Variants in EFHC2 observed in about 807,000 individuals in gnomAD.
The protein encoded by EFHC2 is EF-hand domain containing 2, also known as EF-hand domain-containing family member C2.
EFHC2 carries 18 observed loss-of-function variants against 52.7 expected under a neutral mutation model. That is an observed-to-expected ratio of 0.34 (90% CI 0.24 to 0.51). The LOEUF (loss-of-function observed/expected upper bound fraction) is 0.51, where lower values mean the gene tolerates loss of function less well. Ranked by LOEUF, EFHC2 falls within the 20% of genes least tolerant of loss-of-function variation. The pLI is 0.97. For synonymous variants in EFHC2, 203 were observed against 204.1 expected, an observed-to-expected ratio of 0.99 and a Z score of 0.04; for missense variants, 513 against 562.5, an observed-to-expected ratio of 0.91 and a Z score of 0.89.
chrX:44,336,870 A>G (rs959188574), intron 1 of EFHC2, among the ~76,000 whole-genome samples: 21 of 112,235 alleles, frequency 1.9e-4, no homozygotes, highest in African/African-American at 6.8e-4. Flanking sequence ...ATACAGGTCT[A>G]TAAAGAAATC....
chrX:44,149,759 A>C (rs7059824), intron 14 of EFHC2, among the ~76,000 whole-genome samples: 41,320 of 110,849 alleles, frequency 0.37, 5,726 homozygotes, highest in African/African-American at 0.46. Context: ...TTCAAGTTAT[A>C]TGTCCACCTC....
At chrX:44,272,075 T>C (rs900321464) in intron 3 of EFHC2, among the ~76,000 whole-genome samples, 1 of 112,061 alleles carries the variant, frequency 8.9e-6, no homozygotes, top group Non-Finnish European at 1.9e-5. Context: ...CATTGATCTC[T>C]GCCATACTTA....
At chrX:44,228,436 C>T (rs1023297977) in intron 11 of EFHC2, among the ~76,000 whole-genome samples, 9 of 112,182 alleles carry the variant, frequency 8.0e-5, no homozygotes, top group Non-Finnish European at 1.1e-4. Context: ...TTCTTGCTTT[C>T]ACCTCCACTG....
rs962070777 is a variant in EFHC2, at chrX:44,168,946, C to T, written c.2043-4919G>A. On this transcript the variant is annotated intron_variant, in intron 13 of 14. Transcript: ENST00000420999. ...AACAAACCCCTTCCCCTGACCAAAG[C>T]ATCCAACATTAAAGACAGAAGCCAA... Among the ~76,000 whole-genome samples, 16 of 109,123 alleles carry T rather than the reference C, an allele frequency of 1.5e-4. No individual in the cohort carries two copies. The Admixed American group carries it at 1.5e-3, about 10-fold the overall frequency. 94.8% of individuals were successfully genotyped at this position (109,123 alleles called of 115,157 possible).
At chrX:44,193,480 C>T (rs1049664224) in intron 11 of EFHC2, among the ~76,000 whole-genome samples, 17 of 111,878 alleles carry the variant, frequency 1.5e-4, no homozygotes, top group African/African-American at 4.9e-4. Context: ...TTTACAATAA[C>T]GTAACTAGTT....
chrX:44,227,926 C>A (rs141588353), intron 11 of EFHC2, among the ~76,000 whole-genome samples: 442 of 111,283 alleles, frequency 4.0e-3, no homozygotes, highest in Non-Finnish European at 6.0e-3. Context: ...CAGGAAAGAG[C>A]TTGATGTGTT....
At chrX:44,328,943 C>T (rs145693316) in intron 1 of EFHC2, among the ~76,000 whole-genome samples, 9 of 111,686 alleles carry the variant, frequency 8.1e-5, no homozygotes, top group Non-Finnish European at 1.3e-4. Context: ...CGCCCGCTCC[C>T]GGACTGTGGA....
At chrX:44,292,967 C>T (rs771466287) in intron 2 of EFHC2, among the ~76,000 whole-genome samples, 1 of 103,237 alleles carries the variant, frequency 9.7e-6, no homozygotes, top group Admixed American at 1.1e-4. Flanking sequence ...ATTTCTTTTC[C>T]TTTCTTTCTT....
At chrX:44,167,118 CCT>C (rs1419987579) in intron 13 of EFHC2, among the ~76,000 whole-genome samples, 5 of 111,893 alleles carry the variant, frequency 4.5e-5, no homozygotes, top group African/African-American at 1.3e-4. Flanking sequence ...CTGCTGATGG[CCT>C]CTCTGATTAC....
At chrX:44,199,229 T>A (rs1007392901) in intron 11 of EFHC2, among the ~76,000 whole-genome samples, 1 of 112,591 alleles carries the variant, frequency 8.9e-6, no homozygotes, top group Non-Finnish European at 1.9e-5. Flanking sequence ...TTAAAAGAAG[T>A]TGACACCTCC....
chrX:44,209,019 CTGTGTGTGTGTGTGTGTGTGTGTGTGTG>C (rs753101565), intron 11 of EFHC2, among the ~76,000 whole-genome samples: 1,104 of 69,974 alleles, frequency 0.016, 16 homozygotes, highest in Middle Eastern at 0.04. Flanking sequence ...GATTGGCAAT[CTGTGTGTGTGTGTGTGTGTGTGTGTGTG>C]TGTGTGTGTG....
At chrX:44,340,439 G>A (rs1405675364) in intron 1 of EFHC2, among the ~76,000 whole-genome samples, 4 of 110,684 alleles carry the variant, frequency 3.6e-5, no homozygotes, top group East Asian at 2.8e-4. Context: ...ATCGCCTGAA[G>A]TCAGGAGTTC....
chrX:44,230,041 A>G (rs140886816), intron 10 of EFHC2, among the ~76,000 whole-genome samples: 276 of 111,344 alleles, frequency 2.5e-3, no homozygotes, highest in Middle Eastern at 4.6e-3. Flanking sequence ...GAGATCAGAA[A>G]ACAACCCCTG....
At chrX:44,230,059 C>T (rs2037263918) in intron 10 of EFHC2, among the ~76,000 whole-genome samples, 2 of 111,515 alleles carry the variant, frequency 1.8e-5, no homozygotes, top group African/African-American at 6.5e-5. Context: ...CTGCTTCCAT[C>T]TCAGCCTCCT....
At chrX:44,310,332 A>T (rs2037938272) in intron 2 of EFHC2, 2 of 888,150 alleles carry the variant, frequency 2.3e-6, no homozygotes, top group Non-Finnish European at 1.6e-6. Flanking sequence ...AAGATCCTCC[A>T]TGCAGTCTTG....
intron 2 of EFHC2, among the ~76,000 whole-genome samples, chrX:44,282,482 G>A (rs1279474428): frequency 1.0e-5 from 1 of 99,717 alleles, no homozygotes; most frequent in African/African-American, 3.6e-5. Flanking sequence ...CTGGCATGGT[G>A]GCACGAGCCT....
At chrX:44,326,158 T>C (rs2038050589) in intron 1 of EFHC2, among the ~76,000 whole-genome samples, 1 of 109,830 alleles carries the variant, frequency 9.1e-6, no homozygotes, top group Admixed American at 9.8e-5. Flanking sequence ...CCTCCCAAAG[T>C]GCTGGGATTA....
chrX:44,316,118 G>A (rs2037981452), intron 1 of EFHC2, among the ~76,000 whole-genome samples: 1 of 111,567 alleles, frequency 9.0e-6, no homozygotes, highest in African/African-American at 3.3e-5. Flanking sequence ...CCTTGCCACC[G>A]TTGAAGGCCT....
intron 11 of EFHC2, among the ~76,000 whole-genome samples, chrX:44,209,571 T>C (rs1218893300): frequency 2.7e-5 from 3 of 110,684 alleles, no homozygotes; most frequent in Middle Eastern, 4.6e-3. Flanking sequence ...ATTATATTTA[T>C]GAAAACATCA....
Sources: allele counts gnomAD v4.1 joint callset (sites outside exome capture counted in the v4.1 genomes callset), GRCh38; gene constraint gnomAD v4.1.1; transcripts MANE v1.5; gene names NCBI Gene and HGNC (gene_info 2026-07-23, HGNC 2026-07-21).